Variants in SACM1L observed in about 807,000 individuals in gnomAD.
SACM1L encodes the protein phosphatidylinositol-3-phosphatase SAC1.
A neutral mutation model predicts 89.5 loss-of-function variants in SACM1L; 32 were observed. The ratio of observed to expected loss-of-function variants is 0.36; its 90% CI spans 0.27 to 0.48. The LOEUF (loss-of-function observed/expected upper bound fraction) is 0.48. Ranked by LOEUF, SACM1L falls within the 20% of genes least tolerant of loss-of-function variation. The probability of loss-of-function intolerance (pLI) is 0.99; values close to 1 mark genes in which losing one functional copy is unlikely to be tolerated. For synonymous variants in SACM1L, 213 were observed against 232.8 expected (o/e 0.92, Z 0.77); for missense variants, 543 against 708.5 (o/e 0.77, Z 2.65).
chr3:45,700,451 A>G (rs1438196143), intron 1 of SACM1L, among the ~76,000 whole-genome samples: 1 of 152,146 alleles, frequency 6.6e-6, no homozygotes, highest in Non-Finnish European at 1.5e-5. Flanking sequence ...CCTGGATGTA[A>G]AAGTAAAGCA....
chr3:45,736,833 G>C (rs1699209651), intron 14 of SACM1L, among the ~76,000 whole-genome samples: 2 of 152,156 alleles, frequency 1.3e-5, no homozygotes, highest in South Asian at 4.1e-4. Flanking sequence ...CTGTCTACTT[G>C]TGCCTCTCCA....
At chr3:45,708,844 A>G (rs182674647) in intron 4 of SACM1L, among the ~76,000 whole-genome samples, 58 of 152,334 alleles carry the variant, frequency 3.8e-4, no homozygotes, top group African/African-American at 1.3e-3. Context: ...AACATTAACA[A>G]TTGTTTTTTA....
chr3:45,705,112 TC>T (rs1338660513), intron 2 of SACM1L, 22 bp from the exon 3 acceptor site: 1 of 1,534,002 alleles, frequency 6.5e-7, no homozygotes, highest in Admixed American at 1.8e-5. Flanking sequence ...ATGTGATTTT[TC>T]TTTCTTTCCT....
rs184995197 is a variant in SACM1L, at chr3:45,732,616, A to G, written c.1100+465A>G. Reference sequence around the variant, plus strand: ...GTTTATTTCCTTTCCTCTTTCTATCATGAAAGATTGTGGTGCCATGAATCA... The same window carrying G: ...GTTTATTTCCTTTCCTCTTTCTATCGTGAAAGATTGTGGTGCCATGAATCA... On this transcript the variant is annotated intron_variant, in intron 13 of 19. Transcript: ENST00000389061. Among the ~76,000 whole-genome samples, 38 of 152,206 alleles carry G rather than the reference A, an allele frequency of 2.5e-4. 1 individual carries two copies. In the East Asian group the frequency reaches 7.4e-3, roughly 29 times the overall value.
chr3:45,689,508 C>G lies in SACM1L; in HGVS notation c.32+11C>G, dbSNP rs751641902. The G allele has an allele frequency of 5.1e-6, 8 of 1,575,098 alleles. No individual in the cohort carries two copies. In the Admixed American group the frequency reaches 1.5e-4, roughly 30 times the overall value. On this transcript the variant is annotated intron_variant, in intron 1 of 19. Coordinates refer to ENST00000389061, the MANE Select transcript of SACM1L (RefSeq NM_014016.5). ...CGAGCAGCTGAAGCTGTGAGTCCCA[C>G]GGGCCAGAGGCCTGAGGCGCGGCGG...
chr3:45,730,349 A>AT lies in SACM1L; in HGVS notation c.922-938dup, dbSNP rs34477868. 9.0e-4 allele frequency among the ~76,000 whole-genome samples: 129 copies of AT among 144,024 alleles called. No homozygotes were observed. In the East Asian group the frequency reaches 0.012, roughly 13 times the overall value. 94.5% of individuals were successfully genotyped at this position (144,024 alleles called of 152,430 possible). A position where few individuals can be genotyped will look rare whatever the true frequency, so the allele number is the denominator to read the frequency against. ...TGATTGTTAAAGACTCTGCTAATCC[A>AT]TTTTTTTTTTTTTTGAGACTTTTCC... On this transcript the variant is annotated intron_variant, in intron 11 of 19. Coordinates refer to ENST00000389061, the MANE Select transcript of SACM1L (RefSeq NM_014016.5).
intron 1 of SACM1L, among the ~76,000 whole-genome samples, chr3:45,698,663 G>A (rs905279638): frequency 6.6e-6 from 1 of 152,136 alleles, no homozygotes; most frequent in Non-Finnish European, 1.5e-5. Context: ...CGATTCTCCT[G>A]CCTCAGCCTC....
At chr3:45,716,160 A>C (rs1180316392) in intron 7 of SACM1L, among the ~76,000 whole-genome samples, 1 of 152,126 alleles carries the variant, frequency 6.6e-6, no homozygotes, top group Non-Finnish European at 1.5e-5. Flanking sequence ...AAGCCATGGG[A>C]AGAACTGTGG....
At chr3:45,701,019 G>A (rs888721020) in intron 1 of SACM1L, among the ~76,000 whole-genome samples, 1 of 152,216 alleles carries the variant, frequency 6.6e-6, no homozygotes, top group Non-Finnish European at 1.5e-5. Context: ...AGCAAGGAAT[G>A]AAATCCTTTC....
chr3:45,689,540 C>T (rs745393331), intron 1 of SACM1L, 43 bp downstream of exon 1: 2 of 1,548,228 alleles, frequency 1.3e-6, no homozygotes, highest in African/African-American at 2.7e-5. Flanking sequence ...GCGGGCGGGG[C>T]GGCAGGTGCG....
Position 45,689,450 on chromosome 3 carries a change from G to A in SACM1L, c.-16G>A, listed in dbSNP as rs1296019774. The A allele has an allele frequency of 3.8e-6, 6 of 1,564,592 alleles. No individual in the cohort carries two copies. Among genetic ancestry groups the A allele is most frequent in the Non-Finnish European group, 5.2e-6 (6 of 1,155,058 alleles). ...CGGGGCGGGCGGAGAGAGAAGGAAG[G>A]AGGTGGTTGTGCAGGATGGCGACGG... On this transcript the variant is annotated 5_prime_UTR_variant, in exon 1 of 20. Transcript: ENST00000389061.
At chr3:45,714,232 ATTTT>A (rs1698591604) in intron 7 of SACM1L, 153 bp downstream of exon 7, 1 of 239,008 alleles carries the variant, frequency 4.2e-6, no homozygotes, top group Non-Finnish European at 6.7e-6. Context: ...ACTCATTGCT[ATTTT>A]GTTTGTTTTT....
At chr3:45,713,386 C>T in intron 6 of SACM1L, 190 bp downstream of exon 6, 1 of 448,154 alleles carries the variant, frequency 2.2e-6, no homozygotes, top group Admixed American at 4.1e-5. Flanking sequence ...AACTATTTTA[C>T]TCTGATCTTC....
At chr3:45,723,602 A>G (rs917976596) in intron 11 of SACM1L, 59 bp downstream of exon 11, 9 of 924,344 alleles carry the variant, frequency 9.7e-6, no homozygotes, top group Non-Finnish European at 1.2e-5. Context: ...TTGACAGAAA[A>G]TTTACTATTT....
intron 1 of SACM1L, among the ~76,000 whole-genome samples, chr3:45,701,652 A>G (rs1698274373): frequency 6.6e-6 from 1 of 152,208 alleles, no homozygotes; most frequent in South Asian, 2.1e-4. Context: ...CACATGGAAA[A>G]GGGAAGTGTA....
chr3:45,724,751 T>A (rs764981931), intron 11 of SACM1L, among the ~76,000 whole-genome samples: 12 of 152,170 alleles, frequency 7.9e-5, no homozygotes, highest in Non-Finnish European at 1.5e-4. Flanking sequence ...TTTAGGAGTC[T>A]TTATAGTTTT....
intron 16 of SACM1L, 51 bp downstream of exon 16, chr3:45,737,895 G>T: frequency 6.7e-7 from 1 of 1,483,662 alleles, no homozygotes; most frequent in Non-Finnish European, 9.3e-7. Flanking sequence ...CACAGTCCTG[G>T]TGCTTTTAAA....
At chr3:45,741,488 T>C (rs1001390606) in intron 19 of SACM1L, among the ~76,000 whole-genome samples, 2 of 152,210 alleles carry the variant, frequency 1.3e-5, no homozygotes, top group African/African-American at 2.4e-5. Flanking sequence ...GTCTTACTCA[T>C]TGTTTTATCT....
chr3:45,727,424 CTAGA>C (rs1453864594), intron 11 of SACM1L, among the ~76,000 whole-genome samples: 3 of 151,850 alleles, frequency 2.0e-5, no homozygotes, highest in Admixed American at 6.6e-5. Flanking sequence ...GTTTTTTGGC[CTAGA>C]TATAGTTTGT....
Sources: allele counts gnomAD v4.1 joint callset (sites outside exome capture counted in the v4.1 genomes callset), GRCh38; gene constraint gnomAD v4.1.1; transcripts MANE v1.5; gene names NCBI Gene and HGNC (gene_info 2026-07-23, HGNC 2026-07-21).